Variants in DSE observed in about 807,000 individuals in gnomAD.
DSE encodes dermatan-sulfate epimerase.
DSE carries 36 observed loss-of-function variants against 84.4 expected under a neutral mutation model. That is an observed-to-expected ratio of 0.43 (90% CI 0.33 to 0.56). The LOEUF is 0.56. Among genes scored for constraint, DSE ranks in the 20% least tolerant of loss-of-function variants. DSE has a pLI of 0.06. For missense variants in DSE, 862 were observed against 1,169.6 expected, an observed-to-expected ratio of 0.74 and a Z score of 3.84; for synonymous variants, 410 against 430.1, an observed-to-expected ratio of 0.95 and a Z score of 0.58.
chr6:116,382,843 G>T (rs998966723), intron 1 of DSE, among the ~76,000 whole-genome samples: 1 of 152,174 alleles, frequency 6.6e-6, no homozygotes, highest in African/African-American at 2.4e-5. Flanking sequence ...ATAGGATCAA[G>T]TTTCCTTAAG....
chr6:116,374,662 T>C (rs1779812399), intron 1 of DSE, among the ~76,000 whole-genome samples: 1 of 152,104 alleles, frequency 6.6e-6, no homozygotes, highest in South Asian at 2.1e-4. Context: ...GGGAGGGCTT[T>C]CTTGCCGGTG....
intron 2 of DSE, among the ~76,000 whole-genome samples, chr6:116,356,890 C>A (rs1778604982): frequency 6.6e-6 from 1 of 152,304 alleles, no homozygotes; most frequent in Non-Finnish European, 1.5e-5. Flanking sequence ...TCACCAGATT[C>A]TGTTTGCATA....
chr6:116,417,431 C>G (rs779849157), intron 2 of DSE, among the ~76,000 whole-genome samples: 1 of 152,122 alleles, frequency 6.6e-6, no homozygotes, highest in Non-Finnish European at 1.5e-5. Context: ...ATTTACAAAT[C>G]ATCTAGAATA....
intron 2 of DSE, among the ~76,000 whole-genome samples, chr6:116,319,341 G>A (rs1454600979): frequency 2.0e-5 from 3 of 152,256 alleles, no homozygotes; most frequent in Admixed American, 1.3e-4. Context: ...CTGTAAGCAC[G>A]GGAACTCTGT....
At chr6:116,286,486 A>C (rs1256573152) in intron 2 of DSE, among the ~76,000 whole-genome samples, 3 of 152,086 alleles carry the variant, frequency 2.0e-5, no homozygotes, top group East Asian at 1.9e-4. Flanking sequence ...TATTTTCTCA[A>C]CTCTATCAGA....
At position 116,437,021 on chromosome 6, in the gene DSE, T is replaced by C. The variant is rs751793629; in HGVS notation, c.2553T>C (p.Asp851=). The stretch of plus-strand genomic sequence containing the variant: ...TGGCACAGAAAGAACTACCCATAGA[T>C]GAAGATGAAGAAATGAAAGACCTTT... ...QILAQKELPI[D]EDEEMKDLLD... is the part of the protein sequence containing the mutation. Residue 851 remains aspartate (D), a synonymous_variant, in exon 6 of 6, where the codon GAT becomes GAC. Coordinates refer to ENST00000644252, the MANE Select transcript of DSE (RefSeq NM_013352.4). The C allele has an allele frequency of 1.2e-6, 2 of 1,614,002 alleles. No individual in the cohort carries two copies. The highest frequency in any genetic ancestry group is 1.7e-5 in the Admixed American group (1 of 60,006).
chr6:116,440,250 T>G lies in DSE; in HGVS notation c.*2905T>G, dbSNP rs1239700076. The G allele has an allele frequency of 6.6e-6, 1 of 152,220 alleles. No individual in the cohort carries two copies. The highest frequency in any genetic ancestry group is 2.4e-5 in the African/African-American group (1 of 41,456). 9.4% of individuals were successfully genotyped at this position (152,220 alleles called of 1,614,324 possible). On this transcript the variant is annotated 3_prime_UTR_variant, in exon 6 of 6. Transcript: ENST00000644252. ...CAGAATGTTTTGCATACTGAATAAT[T>G]TGTTTTTGAAAAGGAAAATTTACAT...
At chr6:116,333,634 A>G (rs867061872) in intron 2 of DSE, among the ~76,000 whole-genome samples, 5 of 152,200 alleles carry the variant, frequency 3.3e-5, no homozygotes, top group Admixed American at 2.0e-4. Context: ...GAGGCTTCAG[A>G]AAGAGAAAGA....
chr6:116,345,961 C>G (rs1777934948), intron 2 of DSE, among the ~76,000 whole-genome samples: 2 of 152,138 alleles, frequency 1.3e-5, no homozygotes, highest in South Asian at 4.1e-4. Context: ...CACAGAAATA[C>G]AAACTACCAT....
Position 116,436,869 on chromosome 6 carries a change from C to T in DSE, c.2401C>T (p.Gln801Ter), listed in dbSNP as rs1784193647. The T allele has an allele frequency of 1.9e-6, 3 of 1,613,964 alleles. No homozygotes were observed. The highest frequency in any genetic ancestry group is 2.5e-6 in the Non-Finnish European group (3 of 1,180,012). ...GATTTTTGCCATATCACAGCAACAG[C>T]AGCAGCAAAGCAAGTCAAAGAAAAA... ...DRIFAISQQQ[Q>*]QQSKSKKNRR... The change falls in exon 6 of 6, where the codon CAG (glutamine) becomes TAG (stop). Residue 801 changes from glutamine (Q) to a stop codon, truncating the protein, a stop_gained. Transcript: ENST00000644252. LOFTEE classifies it high-confidence loss of function.
chr6:116,391,764 TAA>T (rs77486984), intron 1 of DSE, among the ~76,000 whole-genome samples: 30 of 119,234 alleles, frequency 2.5e-4, no homozygotes, highest in Admixed American at 1.1e-3. Flanking sequence ...GACTCCGTCT[TAA>T]AAAAAAAAAA....
chr6:116,310,244 G>A (rs984935336), intron 2 of DSE, among the ~76,000 whole-genome samples: 2 of 151,810 alleles, frequency 1.3e-5, no homozygotes, highest in African/African-American at 2.4e-5. Flanking sequence ...TTTTTTCTCA[G>A]TCTCTACATG....
At chr6:116,412,694 CTG>C (rs2115028285) in intron 2 of DSE, 1 of 152,200 alleles carries the variant, frequency 6.6e-6, no homozygotes, top group South Asian at 2.1e-4. Flanking sequence ...TTTTATTACA[CTG>C]TTTATTTTTA....
chr6:116,415,583 C>A (rs1453376008), intron 2 of DSE, among the ~76,000 whole-genome samples: 2 of 145,570 alleles, frequency 1.4e-5, no homozygotes, highest in East Asian at 4.0e-4. Flanking sequence ...CATGTTTAAC[C>A]TCTTGGGCCA....
chr6:116,258,710 G>T, exon 2 of DSE: 1 of 1,604,364 alleles, frequency 6.2e-7, no homozygotes, highest in East Asian at 2.2e-5. Flanking sequence ...ACAGCCTGTC[G>T]TCTCACAGTC....
chr6:116,396,076 A>G (rs900077478), intron 1 of DSE, among the ~76,000 whole-genome samples: 2 of 152,152 alleles, frequency 1.3e-5, no homozygotes, highest in African/African-American at 4.8e-5. Flanking sequence ...CCTTGGCTTC[A>G]AATAAGGGGG....
intron 2 of DSE, chr6:116,355,913 A>G (rs957291679): frequency 1.3e-5 from 2 of 152,248 alleles, no homozygotes; most frequent in Non-Finnish European, 2.9e-5. Flanking sequence ...AGACAATTAC[A>G]CTGTCATAGA....
rs547434347 is a variant in DSE, at chr6:116,320,065, C to T, written c.-54+61098C>T. Among the ~76,000 whole-genome samples the T allele has an allele frequency of 2.6e-5, 4 of 152,266 alleles. No individual in the cohort carries two copies. In the South Asian group the frequency reaches 8.3e-4, roughly 32 times the overall value. On this transcript the variant is annotated intron_variant, in intron 2 of 3. Transcript: ENST00000430252. ...TAACTCACCAACCACAGCACAATAC[C>T]CAGCACATAATCAAACACTGAAATG...
At chr6:116,259,269 T>G (rs1772297865) in intron 2 of DSE, 1 of 570,538 alleles carries the variant, frequency 1.8e-6, no homozygotes, top group African/African-American at 1.9e-5. Context: ...TGCTTTGACA[T>G]GCCAGCACTT....
Sources: gnomAD v4.1 joint callset for allele counts (sites outside exome capture counted in the v4.1 genomes callset) on GRCh38, gnomAD v4.1.1 for gene constraint, MANE v1.5 for transcripts, NCBI Gene and HGNC (gene_info 2026-07-23, HGNC 2026-07-21) for gene names.